Variants in GRM8 observed in about 807,000 individuals in gnomAD.
GRM8 encodes glutamate metabotropic receptor 8.
A neutral mutation model predicts 87.2 loss-of-function variants in GRM8; 47 were observed. The ratio of observed to expected loss-of-function variants is 0.54; its 90% confidence interval spans 0.43 to 0.69. The LOEUF (loss-of-function observed/expected upper bound fraction) is 0.69, where lower values mean the gene tolerates loss of function less well. GRM8 is among the 30% of genes least tolerant of loss of function. The probability of loss-of-function intolerance (pLI) is 0.00; values close to 1 mark genes in which losing one functional copy is unlikely to be tolerated. For missense variants in GRM8, 1,019 were observed against 1,139.2 expected (o/e 0.89, Z 1.52); for synonymous variants, 396 against 404.5 (o/e 0.98, Z 0.25).
At chr7:126,863,029 T>C (rs948265454) in intron 6 of GRM8, among the ~76,000 whole-genome samples, 4 of 152,138 alleles carry the variant, frequency 2.6e-5, no homozygotes, top group African/African-American at 9.6e-5. Flanking sequence ...ATTCCTCCTC[T>C]AACTGCTTGG....
Position 126,879,862 on chromosome 7 carries a change from G to A in GRM8, c.1156+22680C>T, listed in dbSNP as rs370607373. 9.3e-4 allele frequency among the ~76,000 whole-genome samples: 142 copies of A among 152,242 alleles called. 6 individuals are homozygous for A. The South Asian group carries it at 0.029, about 31-fold the overall frequency. ...ATATTTGTGTAGACATATAAGGTTA[G>A]TCAGGGGTGAGAGATAGGAGGATTA... is the stretch of plus-strand genomic sequence containing the variant. On this transcript the variant is annotated intron_variant, in intron 6 of 10. Coordinates refer to ENST00000339582, the MANE Select transcript of GRM8 (RefSeq NM_000845.3).
intron 6 of GRM8, among the ~76,000 whole-genome samples, chr7:126,844,379 G>A (rs896024227): frequency 3.3e-5 from 5 of 151,948 alleles, no homozygotes; most frequent in Non-Finnish European, 7.4e-5. Context: ...TGGGGTGAGG[G>A]GTATGTAACC....
At chr7:127,121,220 T>G (rs1827068977) in intron 2 of GRM8, among the ~76,000 whole-genome samples, 1 of 152,228 alleles carries the variant, frequency 6.6e-6, no homozygotes, top group African/African-American at 2.4e-5. Flanking sequence ...CAATCAAGCC[T>G]GCATGTCTTG....
chr7:126,936,936 C>G (rs1257735665), intron 3 of GRM8, among the ~76,000 whole-genome samples: 2 of 152,198 alleles, frequency 1.3e-5, no homozygotes, highest in Non-Finnish European at 2.9e-5. Flanking sequence ...AGCAGTTTAG[C>G]CTGTATTCTA....
At chr7:126,540,195 T>C (rs10244055) in intron 8 of GRM8, among the ~76,000 whole-genome samples, 55,679 of 151,970 alleles carry the variant, frequency 0.37, 10,351 homozygotes, top group Middle Eastern at 0.42. Flanking sequence ...CAATAGTGCA[T>C]GAAAATATAC....
intron 9 of GRM8, among the ~76,000 whole-genome samples, chr7:126,500,440 C>A (rs540466094): frequency 1.3e-5 from 2 of 152,054 alleles, no homozygotes; most frequent in African/African-American, 4.8e-5. Context: ...CCAACAGCAA[C>A]TTTTGCTTCT....
chr7:126,656,743 T>TC (rs577530136), intron 7 of GRM8, among the ~76,000 whole-genome samples: 2,271 of 104,140 alleles, frequency 0.022, 71 homozygotes, highest in African/African-American at 0.11. Flanking sequence ...GAGTTAACAG[T>TC]TGGACAGAGA....
intron 2 of GRM8, among the ~76,000 whole-genome samples, chr7:127,212,455 T>C (rs1796274725): frequency 6.9e-6 from 1 of 144,580 alleles, no homozygotes; most frequent in African/African-American, 2.6e-5. Context: ...TCTCGCTCTG[T>C]CGCCCAGGCT....
At chr7:127,224,778 C>CT (rs1057050894) in intron 2 of GRM8, among the ~76,000 whole-genome samples, 2 of 151,992 alleles carry the variant, frequency 1.3e-5, no homozygotes, top group African/African-American at 4.8e-5. Flanking sequence ...AGGTAATTTT[C>CT]TTTTTCTTTT....
At chr7:126,659,292 C>T (rs557798698) in intron 7 of GRM8, among the ~76,000 whole-genome samples, 4 of 152,142 alleles carry the variant, frequency 2.6e-5, no homozygotes, top group African/African-American at 9.7e-5. Flanking sequence ...GCAGGGGGAA[C>T]CTACCTGTGG....
intron 2 of GRM8, among the ~76,000 whole-genome samples, chr7:127,108,383 G>A (rs140048727): frequency 2.4e-4 from 36 of 152,202 alleles, no homozygotes; most frequent in African/African-American, 8.4e-4. Context: ...ATATCCTAAC[G>A]AAAATAAGTC....
intron 6 of GRM8, among the ~76,000 whole-genome samples, chr7:126,882,664 C>T (rs1426061030): frequency 6.6e-6 from 1 of 151,758 alleles, no homozygotes; most frequent in Non-Finnish European, 1.5e-5. Context: ...ATACATAAAG[C>T]TTTATTTTTA....
At chr7:127,178,532 T>C (rs1014037952) in intron 2 of GRM8, among the ~76,000 whole-genome samples, 1 of 152,254 alleles carries the variant, frequency 6.6e-6, no homozygotes, top group South Asian at 2.1e-4. Context: ...AAAAGATCTT[T>C]GCCTAGGCAC....
intron 6 of GRM8, among the ~76,000 whole-genome samples, chr7:126,786,746 T>C (rs1820665158): frequency 1.3e-5 from 2 of 152,136 alleles, no homozygotes; most frequent in Non-Finnish European, 2.9e-5. Context: ...ACTCCAATAA[T>C]ATTATAAATT....
chr7:127,217,665 A>G (rs1796646984), intron 2 of GRM8, among the ~76,000 whole-genome samples: 2 of 152,142 alleles, frequency 1.3e-5, no homozygotes, highest in Admixed American at 6.5e-5. Context: ...GGTCTCTCAT[A>G]TCCCTTCCAT....
intron 9 of GRM8, among the ~76,000 whole-genome samples, chr7:126,492,591 T>C (rs535076974): frequency 6.6e-6 from 1 of 152,164 alleles, no homozygotes; most frequent in Non-Finnish European, 1.5e-5. Context: ...CTCAAGCCAG[T>C]TCTTTATTAA....
chr7:127,034,128 A>T (rs1356953977), intron 3 of GRM8, among the ~76,000 whole-genome samples: 1 of 152,168 alleles, frequency 6.6e-6, no homozygotes, highest in Non-Finnish European at 1.5e-5. Flanking sequence ...GTACATCTCT[A>T]CCAGTTACAT....
chr7:126,920,145 T>A (rs895059322), intron 3 of GRM8, among the ~76,000 whole-genome samples: 1 of 152,074 alleles, frequency 6.6e-6, no homozygotes, highest in Non-Finnish European at 1.5e-5. Context: ...TCTCTCTCTG[T>A]CTCCATTCAC....
intron 7 of GRM8, among the ~76,000 whole-genome samples, chr7:126,736,121 G>A (rs1563137403): frequency 6.6e-6 from 1 of 151,946 alleles, no homozygotes; most frequent in Non-Finnish European, 1.5e-5. Context: ...AGTTAGTATG[G>A]GCAACACCAA....
Sources: gnomAD v4.1 joint callset for allele counts (sites outside exome capture counted in the v4.1 genomes callset) on GRCh38, gnomAD v4.1.1 for gene constraint, MANE v1.5 for transcripts, NCBI Gene and HGNC (gene_info 2026-07-23, HGNC 2026-07-21) for gene names.